Variants in ATP10B observed in about 807,000 individuals in gnomAD.
ATP10B encodes the protein phospholipid-transporting ATPase VB.
ATP10B carries 122 observed loss-of-function variants against 141.2 expected under a neutral mutation model. The observed-to-expected ratio is 0.86, with a 90% CI of 0.75 to 1.00. The LOEUF is 1.00. Ranked by LOEUF, ATP10B falls within the 50% of genes least tolerant of loss-of-function variation. The pLI is 0.00. For missense variants in ATP10B, 1,876 were observed against 1,825.3 expected (o/e 1.03, Z -0.51); for synonymous variants, 685 against 692.0 (o/e 0.99, Z 0.16).
intron 24 of ATP10B, among the ~76,000 whole-genome samples, chr5:160,574,528 T>C (rs954540710): frequency 2.6e-5 from 4 of 152,306 alleles, no homozygotes; most frequent in Non-Finnish European, 5.9e-5. Context: ...TCAGTTATTA[T>C]AGCCATGAAA....
upstream of ATP10B, among the ~76,000 whole-genome samples, chr5:160,852,651 G>A (rs1753869775): frequency 6.6e-6 from 1 of 152,212 alleles, no homozygotes; most frequent in Non-Finnish European, 1.5e-5. Flanking sequence ...AGGAAAGTGG[G>A]ACCAATATAT....
chr5:160,819,614 T>C lies in ATP10B; in HGVS notation c.-576+32327A>G, dbSNP rs369506559. On this transcript the variant is annotated intron_variant, in intron 1 of 25. Coordinates refer to ENST00000327245, the MANE Select transcript of ATP10B (RefSeq NM_025153.3). ...AAAGTGAACCAATAAAAATAATAAC[T>C]ACAACAACTTTTCAAGACATGGACA... 4.2e-4 allele frequency among the ~76,000 whole-genome samples: 64 copies of C among 152,192 alleles called. No homozygotes were observed. In the East Asian group the frequency reaches 0.011, roughly 26 times the overall value.
chr5:160,714,999 G>A (rs1765516715), intron 3 of ATP10B, among the ~76,000 whole-genome samples: 1 of 88,688 alleles, frequency 1.1e-5, no homozygotes, highest in Admixed American at 9.9e-5. Context: ...CGTGCTGGGA[G>A]AACCACTGCT....
intron 1 of ATP10B, among the ~76,000 whole-genome samples, chr5:160,839,275 A>G (rs1224611346): frequency 2.0e-5 from 3 of 152,148 alleles, no homozygotes; most frequent in African/African-American, 7.2e-5. Flanking sequence ...TTCAGATGAG[A>G]ATATATTTAG....
rs374140678 is a variant in ATP10B at position 160,709,698 on chromosome 5, C to T, written c.-205+7211G>A. ...TATGTATACATGTGCCATGCTGGTG[C>T]GCTGCACCCACTAACGTGTCATCTA... is the stretch of plus-strand genomic sequence containing the variant. On this transcript the variant is annotated intron_variant, in intron 3 of 25. Coordinates refer to ENST00000327245, the MANE Select transcript of ATP10B (RefSeq NM_025153.3). Among the ~76,000 whole-genome samples, 13 of 132,414 alleles carry T rather than the reference C, an allele frequency of 9.8e-5. No homozygotes were observed. In the East Asian group the frequency reaches 1.3e-3, roughly 14 times the overall value. The allele number at this position is 132,414 out of a possible 152,430, so 86.9% of individuals were successfully genotyped here. A position where few individuals can be genotyped will look rare whatever the true frequency, so the allele number is the denominator to read the frequency against.
intron 1 of ATP10B, among the ~76,000 whole-genome samples, chr5:160,835,177 C>A (rs567675112): frequency 6.6e-6 from 1 of 151,956 alleles, no homozygotes; most frequent in Non-Finnish European, 1.5e-5. Context: ...GTTTCTCACA[C>A]CCTGGACTAA....
intron 1 of ATP10B, among the ~76,000 whole-genome samples, chr5:160,829,723 A>C (rs1198341486): frequency 2.0e-5 from 3 of 152,028 alleles, no homozygotes; most frequent in Non-Finnish European, 4.4e-5. Flanking sequence ...GTGGTATTTT[A>C]AATGCAATCA....
chr5:160,724,150 G>T (rs1235181684), intron 2 of ATP10B, among the ~76,000 whole-genome samples: 1 of 151,570 alleles, frequency 6.6e-6, no homozygotes, highest in South Asian at 2.1e-4. Context: ...AGGAGGGAGA[G>T]GATCAGGAAA....
upstream of ATP10B, among the ~76,000 whole-genome samples, chr5:160,855,776 T>A (rs75174786): frequency 4.2e-3 from 641 of 152,058 alleles, 26 homozygotes; most frequent in East Asian, 0.09. Context: ...TAAACTGTAA[T>A]GTTAAGATCA....
At chr5:160,585,747 C>T (rs1383114127) in intron 24 of ATP10B, among the ~76,000 whole-genome samples, 1 of 152,212 alleles carries the variant, frequency 6.6e-6, no homozygotes, top group African/African-American at 2.4e-5. Context: ...GAGCCAGAGT[C>T]CCCATTGCCA....
intron 13 of ATP10B, among the ~76,000 whole-genome samples, chr5:160,631,507 T>C (rs2127661610): frequency 6.6e-6 from 1 of 152,360 alleles, no homozygotes. Context: ...GGGAATGAAA[T>C]GGTCTGGGTA....
At chr5:160,663,552 C>T (rs1435153797) in intron 7 of ATP10B, among the ~76,000 whole-genome samples, 1 of 152,100 alleles carries the variant, frequency 6.6e-6, no homozygotes, top group African/African-American at 2.4e-5. Context: ...AAAAACCAAA[C>T]ACCGCATGTT....
chr5:160,814,891 C>G (rs903101813), intron 1 of ATP10B, among the ~76,000 whole-genome samples: 1 of 152,122 alleles, frequency 6.6e-6, no homozygotes, highest in African/African-American at 2.4e-5. Flanking sequence ...AACTAAGCTT[C>G]ATAAATGAAG....
intron 2 of ATP10B, among the ~76,000 whole-genome samples, chr5:160,769,472 G>A (rs1410252721): frequency 6.6e-6 from 1 of 152,172 alleles, no homozygotes; most frequent in Non-Finnish European, 1.5e-5. Context: ...ACATAGGCTG[G>A]GCGCCTTTAC....
rs1770809859 is a variant in ATP10B, at chr5:160,782,749, T to C, written c.-331+2810A>G. 2.0e-5 allele frequency among the ~76,000 whole-genome samples: 3 copies of C among 151,822 alleles called. No individual in the cohort carries two copies. The South Asian group carries it at 6.2e-4, about 32-fold the overall frequency. ...ATTGAGTAAAGAAATTATCATTAAT[T>C]CCTGAGGTGCAATACTAATCAATGG... On this transcript the variant is annotated intron_variant, in intron 2 of 25. Transcript: ENST00000327245.
Position 160,603,990 on chromosome 5 carries a change from C to T in ATP10B, c.3212G>A (p.Gly1071Glu), listed in dbSNP as rs1757238720. 6.2e-7 allele frequency: 1 copy of T among 1,613,646 alleles called. No individual in the cohort carries two copies. Among genetic ancestry groups the T allele is most frequent in the Non-Finnish European group, 8.5e-7 (1 of 1,179,832 alleles). The change falls in exon 20 of 26, where the codon GGA becomes GAA. Residue 1071 changes from glycine (G) to glutamate (E), a missense_variant. Physicochemically the swap from Gly to Glu is moderately conservative, Grantham distance 98 (BLOSUM62 -2). Transcript: ENST00000327245. ...SMIQAADIGI[G>E]ISGQEGMQAV... ...CTGCATGCCTTCCTGTCCAGATATT[C>T]CAATTCCAATATCAGCAGCTTGAAT...
the ATP10B span, among the ~76,000 whole-genome samples, chr5:160,927,231 G>C: frequency 6.6e-6 from 1 of 152,160 alleles, no homozygotes; most frequent in Non-Finnish European, 1.5e-5. Context: ...AAAGTGCACT[G>C]GAAATTTAAG....
chr5:160,664,996 A>G (rs943735539), intron 7 of ATP10B, among the ~76,000 whole-genome samples: 3 of 152,222 alleles, frequency 2.0e-5, no homozygotes, highest in Non-Finnish European at 4.4e-5. Context: ...GAATTCTCTA[A>G]TAAAGTCCTC....
intron 18 of ATP10B, among the ~76,000 whole-genome samples, chr5:160,609,789 C>G (rs761495366): frequency 6.6e-6 from 1 of 152,138 alleles, no homozygotes; most frequent in Non-Finnish European, 1.5e-5. Context: ...AGAGCCCAGA[C>G]GGGCCACAGG....
Sources: allele counts gnomAD v4.1 joint callset (sites outside exome capture counted in the v4.1 genomes callset), GRCh38; gene constraint gnomAD v4.1.1; transcripts MANE v1.5; gene names NCBI Gene and HGNC (gene_info 2026-07-23, HGNC 2026-07-21).